VSTM2B: variants seen among roughly 807,000 people sequenced by gnomAD.
VSTM2B encodes the protein V-set and transmembrane domain-containing protein 2B.
A neutral mutation model predicts 24.0 loss-of-function variants in VSTM2B; 24 were observed. That is an observed-to-expected ratio of 1.00 (90% CI 0.72 to 1.40). VSTM2B has a LOEUF of 1.40. Among genes scored for constraint, VSTM2B ranks in the 40% most tolerant of loss-of-function variants. The probability of loss-of-function intolerance (pLI) is 0.00; values close to 1 mark genes in which losing one functional copy is unlikely to be tolerated. For synonymous variants in VSTM2B, 226 were observed against 194.4 expected (o/e 1.16, Z -1.35); for missense variants, 399 against 416.4 (o/e 0.96, Z 0.36).
chr19:29,558,919 C>A (rs984582144), intron 4 of VSTM2B, among the ~76,000 whole-genome samples: 2 of 152,206 alleles, frequency 1.3e-5, no homozygotes, highest in Non-Finnish European at 2.9e-5. Context: ...GAGATACCAT[C>A]TCATGCCAGT....
At chr19:29,543,186 T>A (rs950510197) in intron 4 of VSTM2B, among the ~76,000 whole-genome samples, 1 of 152,202 alleles carries the variant, frequency 6.6e-6, no homozygotes, top group African/African-American at 2.4e-5. Context: ...GGTGGGCAGA[T>A]AAATAACTCT....
chr19:29,558,102 T>C (rs1196759423), intron 4 of VSTM2B, among the ~76,000 whole-genome samples: 1 of 152,064 alleles, frequency 6.6e-6, no homozygotes, highest in Non-Finnish European at 1.5e-5. Flanking sequence ...TATATGTATA[T>C]ATATATAAAG....
At chr19:29,545,825 A>G (rs992239529) in intron 4 of VSTM2B, among the ~76,000 whole-genome samples, 13 of 152,208 alleles carry the variant, frequency 8.5e-5, no homozygotes, top group South Asian at 4.1e-4. Flanking sequence ...TGGTAGAACC[A>G]ACCTGCACAT....
At chr19:29,550,070 G>A (rs564824157) in intron 4 of VSTM2B, among the ~76,000 whole-genome samples, 1 of 152,332 alleles carries the variant, frequency 6.6e-6, no homozygotes, top group East Asian at 1.9e-4. Context: ...TCAGAGCTGA[G>A]GGGCCCCTAT....
chr19:29,527,782 C>A (rs1466582198), intron 2 of VSTM2B, among the ~76,000 whole-genome samples: 1 of 152,108 alleles, frequency 6.6e-6, no homozygotes, highest in Non-Finnish European at 1.5e-5. Flanking sequence ...AGGGCTCCCA[C>A]GGCTGCGTTC....
chr19:29,554,851 A>G (rs1184152804), intron 4 of VSTM2B, among the ~76,000 whole-genome samples: 1 of 152,250 alleles, frequency 6.6e-6, no homozygotes, highest in African/African-American at 2.4e-5. Context: ...GATCCATTCA[A>G]CAAGAAGAGC....
At chr19:29,551,265 C>T (rs1035674829) in intron 4 of VSTM2B, among the ~76,000 whole-genome samples, 3 of 152,244 alleles carry the variant, frequency 2.0e-5, no homozygotes, top group African/African-American at 4.8e-5. Context: ...AACTCACAGG[C>T]TTGGGCAGAG....
At chr19:29,558,760 G>A (rs1343494904) in intron 4 of VSTM2B, among the ~76,000 whole-genome samples, 3 of 152,114 alleles carry the variant, frequency 2.0e-5, no homozygotes, top group Non-Finnish European at 4.4e-5. Flanking sequence ...ATGCATATGG[G>A]GCTTAATACC....
At chr19:29,543,178 T>C (rs1377469709) in intron 4 of VSTM2B, among the ~76,000 whole-genome samples, 1 of 152,196 alleles carries the variant, frequency 6.6e-6, no homozygotes, top group Non-Finnish European at 1.5e-5. Context: ...CATCTCCAGG[T>C]GGGCAGATAA....
At chr19:29,535,071 G>A (rs1969856591) in intron 4 of VSTM2B, among the ~76,000 whole-genome samples, 1 of 152,204 alleles carries the variant, frequency 6.6e-6, no homozygotes. Context: ...TTTGTCAAGA[G>A]ACATTTTGGT....
chr19:29,546,686 C>T (rs566376816), intron 4 of VSTM2B, among the ~76,000 whole-genome samples: 10 of 151,384 alleles, frequency 6.6e-5, no homozygotes, highest in East Asian at 5.8e-4. Flanking sequence ...ACCCCCACCC[C>T]GGTGCTCACT....
intron 4 of VSTM2B, among the ~76,000 whole-genome samples, chr19:29,553,074 AT>A (rs1970323363): frequency 6.6e-6 from 1 of 151,994 alleles, no homozygotes; most frequent in Non-Finnish European, 1.5e-5. Flanking sequence ...GACAAGTGAG[AT>A]CCCCCCCAGC....
chr19:29,528,412 C>T (rs1969639877), intron 2 of VSTM2B, 21 bp from the exon 3 acceptor site: 1 of 1,551,236 alleles, frequency 6.4e-7, no homozygotes, highest in Non-Finnish European at 8.7e-7. Context: ...TCACGTCTCT[C>T]TCTCCCTCTT....
intron 4 of VSTM2B, among the ~76,000 whole-genome samples, chr19:29,550,927 C>T (rs1970268071): frequency 6.6e-6 from 1 of 152,190 alleles, no homozygotes; most frequent in South Asian, 2.1e-4. Context: ...TGGCCAGGCC[C>T]AAAGGATCTC....
At chr19:29,532,456 A>T (rs917559626) in intron 4 of VSTM2B, among the ~76,000 whole-genome samples, 3 of 152,180 alleles carry the variant, frequency 2.0e-5, no homozygotes, top group African/African-American at 7.2e-5. Flanking sequence ...GGCTTAACTG[A>T]TGCTTGTTGG....
intron 4 of VSTM2B, among the ~76,000 whole-genome samples, chr19:29,551,220 T>G (rs763544923): frequency 7.9e-5 from 12 of 152,212 alleles, no homozygotes; most frequent in Admixed American, 3.3e-4. Context: ...CCCATATGGG[T>G]ATTCCCAACC....
chr19:29,555,476 T>C (rs1333667417), intron 4 of VSTM2B, among the ~76,000 whole-genome samples: 1 of 152,100 alleles, frequency 6.6e-6, no homozygotes, highest in Admixed American at 6.6e-5. Flanking sequence ...ATTGACACCC[T>C]AGCATCACAA....
chr19:29,549,691 C>A (rs949359822), intron 4 of VSTM2B, among the ~76,000 whole-genome samples: 2 of 152,218 alleles, frequency 1.3e-5, no homozygotes, highest in Non-Finnish European at 2.9e-5. Context: ...ATATATGTCT[C>A]CCCACAGGGA....
At chr19:29,529,268 C>CT (rs1969667000) in intron 3 of VSTM2B, among the ~76,000 whole-genome samples, 1 of 152,244 alleles carries the variant, frequency 6.6e-6, no homozygotes, top group African/African-American at 2.4e-5. Flanking sequence ...TGCTTGCCTT[C>CT]TTAAGAAAGC....
Sources: gnomAD v4.1 joint callset for allele counts (sites outside exome capture counted in the v4.1 genomes callset) on GRCh38, gnomAD v4.1.1 for gene constraint, MANE v1.5 for transcripts, NCBI Gene and HGNC (gene_info 2026-07-23, HGNC 2026-07-21) for gene names.